Variants in PRKN observed in about 807,000 individuals in gnomAD.
PRKN encodes parkin RBR E3 ubiquitin protein ligase, also known as E3 ubiquitin-protein ligase parkin.
Under a neutral mutation model 59.5 loss-of-function variants are expected in PRKN, and 56 were observed. The ratio of observed to expected loss-of-function variants is 0.94; its 90% CI spans 0.76 to 1.18. PRKN has a LOEUF of 1.18. Ranked by LOEUF, PRKN falls within the 50% of genes most tolerant of loss-of-function variation. The pLI, the probability that PRKN is intolerant of heterozygous loss-of-function variation, is 0.00. For synonymous variants in PRKN, 250 were observed against 222.1 expected (o/e 1.13, Z -1.12); for missense variants, 657 against 596.4 (o/e 1.10, Z -1.06).
intron 4 of PRKN, among the ~76,000 whole-genome samples, chr6:162,115,670 C>T (rs1780640715): frequency 6.6e-6 from 1 of 151,610 alleles, no homozygotes; most frequent in African/African-American, 2.4e-5. Flanking sequence ...AAATCAGAGG[C>T]CTTGAGTGTT....
intron 1 of PRKN, among the ~76,000 whole-genome samples, chr6:162,505,643 T>C (rs1793575910): frequency 6.6e-6 from 1 of 152,080 alleles, no homozygotes; most frequent in South Asian, 2.1e-4. Context: ...AACATAAATC[T>C]TAAGACCATA....
At chr6:162,713,397 G>A (rs1420624300) in intron 1 of PRKN, among the ~76,000 whole-genome samples, 6 of 151,008 alleles carry the variant, frequency 4.0e-5, no homozygotes, top group Non-Finnish European at 8.8e-5. Flanking sequence ...GGGAGGCTGA[G>A]GCAGGAGAAT....
chr6:162,041,518 A>T (rs1784068009), intron 5 of PRKN, among the ~76,000 whole-genome samples: 1 of 152,072 alleles, frequency 6.6e-6, no homozygotes, highest in South Asian at 2.1e-4. Flanking sequence ...TCTCTTTCTA[A>T]ACAGAGATTG....
intron 1 of PRKN, among the ~76,000 whole-genome samples, chr6:162,554,619 C>G (rs1779479823): frequency 6.7e-6 from 1 of 149,632 alleles, no homozygotes; most frequent in South Asian, 2.1e-4. Context: ...TAACAGATGA[C>G]AGTGGCAACA....
chr6:162,553,557 AC>A (rs1199054954), intron 1 of PRKN, among the ~76,000 whole-genome samples: 7 of 138,702 alleles, frequency 5.0e-5, no homozygotes, highest in Non-Finnish European at 6.2e-5. Context: ...AAAAAAAAAA[AC>A]ACCCTAAAGC....
At chr6:162,559,146 G>A (rs1337739673) in intron 1 of PRKN, among the ~76,000 whole-genome samples, 3 of 61,028 alleles carry the variant, frequency 4.9e-5, no homozygotes, top group Admixed American at 2.1e-4. Flanking sequence ...GCAAGATTCC[G>A]TCTCAAAAAA....
chr6:161,935,181 C>T (rs1489199151), intron 6 of PRKN, among the ~76,000 whole-genome samples: 1 of 152,082 alleles, frequency 6.6e-6, no homozygotes, highest in Non-Finnish European at 1.5e-5. Context: ...CGCATGGATT[C>T]CAATTTTTGT....
At chr6:161,843,756 C>T (rs1051917617) in intron 6 of PRKN, among the ~76,000 whole-genome samples, 2 of 152,224 alleles carry the variant, frequency 1.3e-5, no homozygotes, top group Non-Finnish European at 2.9e-5. Context: ...TGTCACTGCA[C>T]TGCAGCCTGG....
chr6:162,148,806 C>G (rs1226323845), intron 4 of PRKN, among the ~76,000 whole-genome samples: 1 of 152,054 alleles, frequency 6.6e-6, no homozygotes, highest in African/African-American at 2.4e-5. Context: ...AGATACAAGA[C>G]AAAAAGTTCA....
intron 1 of PRKN, among the ~76,000 whole-genome samples, chr6:162,670,551 T>C (rs1779281253): frequency 6.6e-6 from 1 of 152,188 alleles, no homozygotes; most frequent in South Asian, 2.1e-4. Context: ...ACTGATTGTA[T>C]TGGCTTTCGT....
chr6:161,581,893 G>A lies in PRKN; in HGVS notation c.872-12477C>T, dbSNP rs1331586692. 6.6e-6 allele frequency among the ~76,000 whole-genome samples: 1 copy of A among 152,144 alleles called. No homozygotes were observed. Among genetic ancestry groups the A allele is most frequent in the Non-Finnish European group, 1.5e-5 (1 of 68,030 alleles). ...CAATATTTACTGCGCAGAGAGCTGAGGACACACATTAATGAAACAGTCCAC... is the reference window on the plus strand; with the variant it reads ...CAATATTTACTGCGCAGAGAGCTGAAGACACACATTAATGAAACAGTCCAC... On this transcript the variant is annotated intron_variant, in intron 7 of 11. Coordinates refer to ENST00000366898, the MANE Select transcript of PRKN (RefSeq NM_004562.3). This position sits in a 1 kb window ranked among gnomAD's most constrained non-coding sequence, Gnocchi z 4.5.
chr6:161,854,085 A>T (rs189375927), intron 6 of PRKN, among the ~76,000 whole-genome samples: 13,136 of 61,790 alleles, frequency 0.21, 841 homozygotes, highest in East Asian at 0.48. Flanking sequence ...GTTTCTACAT[A>T]AAAAAAAAAA....
chr6:162,069,725 G>C (rs1313033700), intron 4 of PRKN, among the ~76,000 whole-genome samples: 1 of 152,170 alleles, frequency 6.6e-6, no homozygotes, highest in Non-Finnish European at 1.5e-5. Context: ...TTGTTCCTAA[G>C]TAAGCCAAGT....
intron 2 of PRKN, among the ~76,000 whole-genome samples, chr6:162,337,904 A>C (rs73028956): frequency 0.086 from 13,152 of 152,202 alleles, 1,090 homozygotes; most frequent in East Asian, 0.47. Context: ...TCTAATAGCA[A>C]AATATTGCCA....
At chr6:162,336,640 G>A (rs187929174) in intron 2 of PRKN, among the ~76,000 whole-genome samples, 15 of 152,364 alleles carry the variant, frequency 9.8e-5, no homozygotes, top group Admixed American at 8.5e-4. Context: ...CGCAGGTGCT[G>A]CAGGTTGCCT....
At chr6:162,285,444 A>C (rs557291764) in intron 2 of PRKN, among the ~76,000 whole-genome samples, 1 of 152,110 alleles carries the variant, frequency 6.6e-6, no homozygotes, top group African/African-American at 2.4e-5. Context: ...GTATCAAAGA[A>C]ATAAAGAAAT....
At position 161,745,954 on chromosome 6, in the gene PRKN, A is replaced by C. The variant is rs191068915; in HGVS notation, c.871+39818T>G. ...GCTTGCTCAGAGGATCCTGGGTGAC[A>C]GCTCTCTGTGGGGGCCTGTGGCCAG... On this transcript the variant is annotated intron_variant, in intron 7 of 11. Transcript: ENST00000366898. 1.9e-3 allele frequency among the ~76,000 whole-genome samples: 292 copies of C among 152,250 alleles called. 2 individuals carry two copies. The highest frequency in any genetic ancestry group is 5.3e-4 in the Non-Finnish European group (36 of 68,002).
chr6:162,625,649 A>G (rs1160815033), intron 1 of PRKN, among the ~76,000 whole-genome samples: 1 of 151,294 alleles, frequency 6.6e-6, no homozygotes, highest in Non-Finnish European at 1.5e-5. Context: ...CACCATTTGC[A>G]TGTGTGTGTG....
chr6:162,369,422 C>A (rs1785627388), intron 2 of PRKN, among the ~76,000 whole-genome samples: 1 of 152,126 alleles, frequency 6.6e-6, no homozygotes, highest in Non-Finnish European at 1.5e-5. Context: ...TAAATCTACC[C>A]TTGAACATCA....
Sources: gnomAD v4.1 joint callset for allele counts (sites outside exome capture counted in the v4.1 genomes callset) on GRCh38, gnomAD v4.1.1 for gene constraint, Gnocchi (gnomAD v3.1) non-coding constraint, MANE v1.5 for transcripts, NCBI Gene and HGNC (gene_info 2026-07-23, HGNC 2026-07-21) for gene names.